Variants in PTPRF observed in about 807,000 individuals in gnomAD.
PTPRF encodes receptor-type tyrosine-protein phosphatase F.
In PTPRF, 59 loss-of-function variants were observed where a neutral mutation model predicts 201.8. The ratio of observed to expected loss-of-function variants is 0.29; its 90% CI spans 0.24 to 0.36. The LOEUF (loss-of-function observed/expected upper bound fraction) is 0.36. PTPRF is among the 10% of genes least tolerant of loss of function. PTPRF has a pLI of 1.00. For missense variants in PTPRF, 2,132 were observed against 2,690.5 expected, an observed-to-expected ratio of 0.79 and a Z score of 4.59; for synonymous variants, 1,088 against 1,089.7, an observed-to-expected ratio of 1.00 and a Z score of 0.03.
At chr1:43,534,434 A>T (rs1260376703) in intron 1 of PTPRF, among the ~76,000 whole-genome samples, 1 of 152,168 alleles carries the variant, frequency 6.6e-6, no homozygotes, top group Non-Finnish European at 1.5e-5. Context: ...TGGCTTTGAT[A>T]GGTGGTAGCA....
intron 1 of PTPRF, chr1:43,532,609 C>G (rs1419479363): frequency 5.6e-6 from 1 of 177,640 alleles, no homozygotes; most frequent in African/African-American, 2.3e-5. Context: ...GGTGGGGAAT[C>G]CTTTGGGAGG....
At chr1:43,589,489 T>G (rs1431124271) in intron 8 of PTPRF, among the ~76,000 whole-genome samples, 10 of 151,824 alleles carry the variant, frequency 6.6e-5, no homozygotes. Flanking sequence ...GGTAAAATAG[T>G]AGGGGAAAGT....
Position 43,590,895 on chromosome 1 carries a change from G to A in PTPRF, c.950-77G>A, listed in dbSNP as rs1650506639. On this transcript the variant is annotated intron_variant, in intron 8 of 33. Coordinates refer to ENST00000359947, the MANE Select transcript of PTPRF (RefSeq NM_002840.5). ...CTCAGGTGACCCCACCAGATATCCT[G>A]GATAATCCCCAAGTCTAGGGTTGGT... 7 of 1,344,718 alleles carry A rather than the reference G, an allele frequency of 5.2e-6. No individual in the cohort carries two copies. The East Asian group carries it at 1.6e-4, about 31-fold the overall frequency. 83.3% of individuals were successfully genotyped at this position (1,344,718 alleles called of 1,614,324 possible). A position where few individuals can be genotyped will look rare whatever the true frequency, so the allele number is the denominator to read the frequency against.
chr1:43,527,169 C>T (rs541793655), upstream of PTPRF, among the ~76,000 whole-genome samples: 11 of 152,352 alleles, frequency 7.2e-5, no homozygotes, highest in African/African-American at 2.4e-4. Flanking sequence ...ACATCTGGCT[C>T]TCTCCTCACC....
intron 3 of PTPRF, among the ~76,000 whole-genome samples, chr1:43,545,541 G>T (rs561741701): frequency 6.6e-6 from 1 of 152,248 alleles, no homozygotes; most frequent in Admixed American, 6.5e-5. Flanking sequence ...GGAATGGGGG[G>T]TGGCACGCAG....
chr1:43,572,832 C>T (rs1213461179), intron 6 of PTPRF, among the ~76,000 whole-genome samples: 2 of 152,080 alleles, frequency 1.3e-5, no homozygotes, highest in Admixed American at 6.5e-5. Context: ...CATCGAGACT[C>T]GGCCTAGGAG....
intron 23 of PTPRF, among the ~76,000 whole-genome samples, chr1:43,617,238 A>G (rs950885647): frequency 6.6e-6 from 1 of 152,098 alleles, no homozygotes; most frequent in African/African-American, 2.4e-5. Context: ...TACCATGGTC[A>G]GAGGAGTCCC....
rs746959174 is a variant in PTPRF at position 43,605,281 on chromosome 1, T to A, written c.3227T>A (p.Val1076Glu). The change falls in exon 18 of 34, where the codon GTG (valine) becomes GAG (glutamate). Residue 1076 changes from valine (V) to glutamate (E), a missense_variant. Transcript: ENST00000359947. ...CAGCCCAACACAGAGTACTCGTTTGTGCTGATGAACCGTGGCAGCAGCGCA... is the reference window on the plus strand; with the variant it reads ...CAGCCCAACACAGAGTACTCGTTTGAGCTGATGAACCGTGGCAGCAGCGCA... The part of the protein sequence containing the change: ...DLQPNTEYSF[V>E]LMNRGSSAGG... 1 of 1,613,190 alleles carries A rather than the reference T, an allele frequency of 6.2e-7. No individual in the cohort carries two copies. Among genetic ancestry groups the A allele is most frequent in the Admixed American group, 1.7e-5 (1 of 60,024 alleles).
rs758478830 is a variant in PTPRF, at chr1:43,617,866, C to T, written c.4326C>T (p.Arg1442=). Reference sequence around the variant, plus strand: ...TCTGGAGGATGGTGTGGGAACAGCGCACGGCCACTGTGGTCATGATGACAC... The same window carrying T: ...TCTGGAGGATGGTGTGGGAACAGCGTACGGCCACTGTGGTCATGATGACAC... ...GDFWRMVWEQ[R]TATVVMMTRL... is the part of the protein sequence containing the mutation. Residue 1442 remains arginine (R), a synonymous_variant, in exon 25 of 34, where the codon CGC becomes CGT. Coordinates refer to ENST00000359947, the MANE Select transcript of PTPRF (RefSeq NM_002840.5). The T allele has an allele frequency of 6.2e-7, 1 of 1,613,788 alleles. No homozygotes were observed. The highest frequency in any genetic ancestry group is 1.1e-5 in the South Asian group (1 of 91,068).
chr1:43,543,780 A>G (rs982200996), intron 2 of PTPRF, among the ~76,000 whole-genome samples: 5 of 152,126 alleles, frequency 3.3e-5, no homozygotes, highest in Admixed American at 6.5e-5. Context: ...CAACTCCCCT[A>G]TCAAAGTCCA....
At chr1:43,615,740 T>A (rs190993675) in intron 23 of PTPRF, among the ~76,000 whole-genome samples, 3 of 151,688 alleles carry the variant, frequency 2.0e-5, no homozygotes, top group Non-Finnish European at 2.9e-5. Context: ...CTAATTTTTT[T>A]TATTTTTAGT....
Position 43,592,554 on chromosome 1 carries a change from G to T in PTPRF, c.1766G>T (p.Gly589Val). ...RFQLAARSDM[G>V]VGVFTPTIEA... ...CAGCTGGCTGCACGCTCGGATATGG[G>T]GGTGGGCGTCTTCACCCCCACCATT... The change falls in exon 11 of 34, where the codon GGG becomes GTG. Residue 589 changes from glycine to valine, a missense_variant. By Grantham distance (109) the Gly-to-Val change is moderately radical. This residue lies in a region of PTPRF where 351 missense variants were observed against 401.7 expected (regional missense o/e 0.87). Coordinates refer to ENST00000359947, the MANE Select transcript of PTPRF (RefSeq NM_002840.5). 8.1e-6 allele frequency: 13 copies of T among 1,611,766 alleles called. No individual in the cohort carries two copies. Among genetic ancestry groups the T allele is most frequent in the Non-Finnish European group, 9.3e-6 (11 of 1,179,344 alleles).
rs1184780452 is a variant in PTPRF at position 43,603,319 on chromosome 1, C to T, written c.2341-97C>T. The T allele has an allele frequency of 9.1e-7, 1 of 1,100,448 alleles. No homozygotes were observed. The highest frequency in any genetic ancestry group is 1.4e-6 in the Non-Finnish European group (1 of 723,638). The allele number at this position is 1,100,448 out of a possible 1,614,324, so 68.2% of individuals were successfully genotyped here. The stretch of plus-strand genomic sequence containing the variant: ...TCCACAACCCCTGGCCTTGTGTGCC[C>T]CGGGGCTCCCCTCAGGCTAGGGTCC... On this transcript the variant is annotated intron_variant, in intron 14 of 33. Transcript: ENST00000359947. The surrounding 1 kb of genome is among the most constrained non-coding windows in gnomAD (Gnocchi z 5.8).
intron 19 of PTPRF, 31 bp from the exon 20 acceptor site, chr1:43,606,209 C>T (rs1445623676): frequency 2.3e-5 from 36 of 1,594,186 alleles, no homozygotes; most frequent in Non-Finnish European, 2.8e-5. Flanking sequence ...GCTCCAAGGC[C>T]CCTCATGACC....
chr1:43,602,107 A>C lies in PTPRF; in HGVS notation c.2340+10A>C. The C allele has an allele frequency of 6.2e-7, 1 of 1,612,326 alleles. No individual in the cohort carries two copies. ...GGAGTCCGAGGACTATGTAAGTAAC[A>C]GGTGTGCGAACGCGGACAAGACATG... On this transcript the variant is annotated intron_variant, in intron 14 of 33. Transcript: ENST00000359947.
intron 7 of PTPRF, among the ~76,000 whole-genome samples, chr1:43,583,883 A>C (rs1648413869): frequency 6.6e-6 from 1 of 152,224 alleles, no homozygotes; most frequent in Non-Finnish European, 1.5e-5. Context: ...AATTTAGCCC[A>C]CCAGCCAGCT....
chr1:43,622,743 T>C lies in PTPRF; in HGVS notation c.*740T>C. The stretch of plus-strand genomic sequence containing the variant: ...GATAGGGAACACTCATCCCTGGTCG[T>C]CTATCCCAGTGTGTGTTTAACATTC... On this transcript the variant is annotated 3_prime_UTR_variant, in exon 34 of 34. Coordinates refer to ENST00000359947, the MANE Select transcript of PTPRF (RefSeq NM_002840.5). 6.5e-6 allele frequency: 1 copy of C among 152,686 alleles called. No individual in the cohort carries two copies. Among genetic ancestry groups the C allele is most frequent in the Non-Finnish European group, 1.5e-5 (1 of 68,028 alleles). The allele number at this position is 152,686 out of a possible 1,614,324, so 9.5% of individuals were successfully genotyped here.
At chr1:43,522,293 T>A (rs1642977742), upstream of PTPRF, among the ~76,000 whole-genome samples, 2 of 152,128 alleles carry the variant, frequency 1.3e-5, no homozygotes, top group Admixed American at 1.3e-4. Flanking sequence ...AGGAGCGGCG[T>A]CAGAAGGGTG....
intron 7 of PTPRF, among the ~76,000 whole-genome samples, chr1:43,585,947 C>T (rs1401320851): frequency 1.3e-5 from 2 of 152,182 alleles, no homozygotes; most frequent in Admixed American, 6.5e-5. Flanking sequence ...TCCTTACGCC[C>T]GCTGGAGCAG....
Sources: gnomAD v4.1 joint callset for allele counts (sites outside exome capture counted in the v4.1 genomes callset) on GRCh38, gnomAD v4.1.1 for gene constraint, gnomAD v4.1.1 regional missense constraint, Gnocchi (gnomAD v3.1) non-coding constraint, MANE v1.5 for transcripts, NCBI Gene and HGNC (gene_info 2026-07-23, HGNC 2026-07-21) for gene names.